Variants in VDAC1 observed in about 807,000 individuals in gnomAD.
VDAC1 encodes non-selective voltage-gated ion channel VDAC1.
A neutral mutation model predicts 34.7 loss-of-function variants in VDAC1; 10 were observed. The ratio of observed to expected loss-of-function variants is 0.29; its 90% CI spans 0.18 to 0.49. The LOEUF is 0.49. Among genes scored for constraint, VDAC1 ranks in the 20% least tolerant of loss-of-function variants. The probability of loss-of-function intolerance (pLI) is 0.99; values close to 1 mark genes in which losing one functional copy is unlikely to be tolerated. For missense variants in VDAC1, 230 were observed against 347.9 expected (o/e 0.66, Z 2.69); for synonymous variants, 130 against 136.0 (o/e 0.96, Z 0.30).
the VDAC1 span, among the ~76,000 whole-genome samples, chr5:134,035,857 T>C: frequency 2.0e-5 from 3 of 151,884 alleles, no homozygotes; most frequent in Admixed American, 2.0e-4. Flanking sequence ...ACTACAAAAA[T>C]TAGCCGGGCG....
At chr5:134,087,554 T>C in the VDAC1 span, among the ~76,000 whole-genome samples, 1 of 152,106 alleles carries the variant, frequency 6.6e-6, no homozygotes, top group Non-Finnish European at 1.5e-5. Flanking sequence ...CCATAGTTCT[T>C]CTTAAAAACA....
At chr5:134,074,305 A>AAAAT in the VDAC1 span, among the ~76,000 whole-genome samples, 8,328 of 136,678 alleles carry the variant, frequency 0.061, 344 homozygotes, top group Middle Eastern at 0.1. Context: ...ACTCCATCTC[A>AAAAT]AAATAAATAA....
chr5:133,991,214 C>T (rs1415522752), intron 3 of VDAC1, 60 bp from the exon 4 acceptor site: 3 of 1,595,294 alleles, frequency 1.9e-6, no homozygotes, highest in Non-Finnish European at 2.6e-6. Flanking sequence ...CTTCACTTCA[C>T]TCCTAAACAC....
chr5:133,979,675 G>C (rs1049513841), intron 6 of VDAC1, among the ~76,000 whole-genome samples: 4 of 152,012 alleles, frequency 2.6e-5, no homozygotes, highest in Non-Finnish European at 5.9e-5. Context: ...TGATCCACCC[G>C]CCTCGGCCTC....
At chr5:134,037,612 C>A in the VDAC1 span, among the ~76,000 whole-genome samples, 1 of 152,176 alleles carries the variant, frequency 6.6e-6, no homozygotes, top group Non-Finnish European at 1.5e-5. Flanking sequence ...TTCAAGATAT[C>A]CCACCTTTTT....
At chr5:134,006,378 C>T (rs531314596), upstream of VDAC1, among the ~76,000 whole-genome samples, 7 of 152,256 alleles carry the variant, frequency 4.6e-5, no homozygotes, top group African/African-American at 1.7e-4. Context: ...CGGTGCAACC[C>T]AGTTTTGAGG....
intron 1 of VDAC1, chr5:134,004,584 C>T (rs1753688493): frequency 6.6e-6 from 1 of 151,962 alleles, no homozygotes; most frequent in Non-Finnish European, 1.5e-5. Flanking sequence ...CTCAGCTCCC[C>T]AGGGGCCTGG....
At chr5:134,018,788 A>C in the VDAC1 span, among the ~76,000 whole-genome samples, 1 of 152,210 alleles carries the variant, frequency 6.6e-6, no homozygotes, top group African/African-American at 2.4e-5. Flanking sequence ...TGAGTCAAGC[A>C]TGCTCAGCTG....
chr5:134,043,943 G>A, the VDAC1 span, among the ~76,000 whole-genome samples: 5 of 152,092 alleles, frequency 3.3e-5, no homozygotes, highest in African/African-American at 4.8e-5. Flanking sequence ...CCTCACTCCA[G>A]CCCTGACAGG....
chr5:134,028,955 C>T, the VDAC1 span, among the ~76,000 whole-genome samples: 3,647 of 152,248 alleles, frequency 0.024, 81 homozygotes, highest in African/African-American at 0.063. Flanking sequence ...GAAAAGATGG[C>T]GGCCATGTCA....
chr5:134,087,125 A>T, the VDAC1 span, among the ~76,000 whole-genome samples: 1 of 151,964 alleles, frequency 6.6e-6, no homozygotes, highest in Non-Finnish European at 1.5e-5. Flanking sequence ...GGAAATTGCC[A>T]GTAATTGTCT....
chr5:133,994,378 G>A (rs1753214929), intron 1 of VDAC1, among the ~76,000 whole-genome samples: 1 of 152,242 alleles, frequency 6.6e-6, no homozygotes, highest in South Asian at 2.1e-4. Flanking sequence ...ACAGACAGAA[G>A]AGCAGCGAGC....
the VDAC1 span, among the ~76,000 whole-genome samples, chr5:134,068,305 GTAT>G: frequency 6.7e-6 from 1 of 149,198 alleles, no homozygotes; most frequent in Non-Finnish European, 1.5e-5. Flanking sequence ...TTTCCCCTTA[GTAT>G]TGTGTCTTCC....
upstream of VDAC1, chr5:134,005,706 G>C (rs989588954): frequency 6.6e-6 from 1 of 152,222 alleles, no homozygotes; most frequent in Non-Finnish European, 1.5e-5. Flanking sequence ...TTGAGTGAAC[G>C]GTCACCTCGC....
At chr5:134,007,082 A>G (rs1196890910), upstream of VDAC1, among the ~76,000 whole-genome samples, 3 of 152,008 alleles carry the variant, frequency 2.0e-5, no homozygotes, top group Admixed American at 2.0e-4. Flanking sequence ...CGTCTCTACT[A>G]AAAATACAAA....
chr5:133,998,298 C>A (rs113733306), intron 1 of VDAC1, among the ~76,000 whole-genome samples: 1 of 152,104 alleles, frequency 6.6e-6, no homozygotes, highest in Non-Finnish European at 1.5e-5. Context: ...CACTTCAAAT[C>A]GAATTTTCAT....
At chr5:134,021,296 T>C in the VDAC1 span, among the ~76,000 whole-genome samples, 2 of 151,916 alleles carry the variant, frequency 1.3e-5, no homozygotes, top group African/African-American at 4.8e-5. Flanking sequence ...CATCAACTCA[T>C]CATTTACATT....
the VDAC1 span, among the ~76,000 whole-genome samples, chr5:134,044,428 A>G: frequency 6.6e-6 from 1 of 152,148 alleles, no homozygotes; most frequent in Non-Finnish European, 1.5e-5. Flanking sequence ...AGCTGCTGGG[A>G]GGCTCCCCAG....
chr5:133,989,686 G>T (rs1753030639), intron 5 of VDAC1, among the ~76,000 whole-genome samples: 1 of 149,262 alleles, frequency 6.7e-6, no homozygotes, highest in African/African-American at 2.5e-5. Flanking sequence ...TTTTGAGATG[G>T]AGTTTCGCTC....
Sources: allele counts gnomAD v4.1 joint callset (sites outside exome capture counted in the v4.1 genomes callset), GRCh38; gene constraint gnomAD v4.1.1; transcripts MANE v1.5; gene names NCBI Gene and HGNC (gene_info 2026-07-23, HGNC 2026-07-21).